The following PPP1R42 variants were observed in gnomAD, a reference collection of about 807,000 sequenced individuals.
The protein encoded by PPP1R42 is protein phosphatase 1 regulatory subunit 42.
PPP1R42 carries 34 observed loss-of-function variants against 31.0 expected under a neutral mutation model. The observed-to-expected ratio is 1.10, with a 90% CI of 0.83 to 1.46. The LOEUF is 1.46. Ranked by LOEUF, PPP1R42 falls within the 40% of genes most tolerant of loss-of-function variation. The pLI is 0.00. For synonymous variants in PPP1R42, 103 were observed against 109.8 expected (o/e 0.94, Z 0.39); for missense variants, 268 against 303.0 (o/e 0.88, Z 0.86).
At chr8:66,996,667 CT>C in intron 5 of PPP1R42, among the ~76,000 whole-genome samples, 1 of 152,126 alleles carries the variant, frequency 6.6e-6, no homozygotes, top group East Asian at 1.9e-4. Context: ...ATGGGTCGTG[CT>C]TTTTGCGTTC....
At chr8:67,017,922 G>T in intron 1 of PPP1R42, 91 bp from the exon 2 acceptor site, 1 of 555,666 alleles carries the variant, frequency 1.8e-6, no homozygotes, top group Non-Finnish European at 2.7e-6. Context: ...TCCCTTATAT[G>T]AAACTATTTG....
At chr8:67,018,120 CTTT>C (rs113945042) in intron 1 of PPP1R42, among the ~76,000 whole-genome samples, 2 of 144,072 alleles carry the variant, frequency 1.4e-5, no homozygotes, top group African/African-American at 2.5e-5. Context: ...TTTTTCTTTT[CTTT>C]TTTTTTTTTG....
At chr8:66,990,896 T>C (rs1282676679) in intron 5 of PPP1R42, among the ~76,000 whole-genome samples, 4 of 152,174 alleles carry the variant, frequency 2.6e-5, no homozygotes, top group Non-Finnish European at 5.9e-5. Context: ...TCAGGATCAA[T>C]ATTGAGCAGA....
At chr8:67,028,423 G>A in intron 1 of PPP1R42, 68 bp downstream of exon 1, 1 of 906,568 alleles carries the variant, frequency 1.1e-6, no homozygotes, top group Non-Finnish European at 1.3e-6. Context: ...CTTACTGGCA[G>A]GCAAGTTTGA....
At chr8:66,974,476 C>T (rs945624471) in intron 7 of PPP1R42, among the ~76,000 whole-genome samples, 4 of 152,102 alleles carry the variant, frequency 2.6e-5, no homozygotes, top group African/African-American at 9.7e-5. Context: ...ATTGCTTGAA[C>T]CCAGGAGGCG....
chr8:66,974,252 G>A (rs545069603), intron 7 of PPP1R42, among the ~76,000 whole-genome samples: 1 of 152,170 alleles, frequency 6.6e-6, no homozygotes, highest in East Asian at 1.9e-4. Flanking sequence ...AACACGTGTT[G>A]CCTTTTTTAA....
chr8:67,000,565 C>T (rs1397814908), intron 5 of PPP1R42, among the ~76,000 whole-genome samples: 2 of 152,016 alleles, frequency 1.3e-5, no homozygotes, highest in Admixed American at 6.6e-5. Context: ...TCAAACGATC[C>T]TCCCAACTCA....
chr8:67,005,799 C>T (rs1224091985), intron 5 of PPP1R42, among the ~76,000 whole-genome samples: 1 of 151,984 alleles, frequency 6.6e-6, no homozygotes. Context: ...TATCTCTTTG[C>T]TGTAATTCTT....
At chr8:67,025,294 TAC>T (rs1816358587) in intron 1 of PPP1R42, among the ~76,000 whole-genome samples, 1 of 151,816 alleles carries the variant, frequency 6.6e-6, no homozygotes, top group Non-Finnish European at 1.5e-5. Flanking sequence ...TTTCTTTTTT[TAC>T]AGACAGGGTC....
At chr8:66,996,272 G>A (rs937270779) in intron 5 of PPP1R42, among the ~76,000 whole-genome samples, 3 of 152,238 alleles carry the variant, frequency 2.0e-5, no homozygotes, top group Non-Finnish European at 4.4e-5. Flanking sequence ...GGCTGGTCTC[G>A]AACTCGTGAG....
intron 5 of PPP1R42, among the ~76,000 whole-genome samples, chr8:66,990,008 G>A (rs1425279764): frequency 1.3e-5 from 2 of 152,178 alleles, no homozygotes; most frequent in African/African-American, 4.8e-5. Flanking sequence ...TAAGGAAGAA[G>A]AAACTTCTTG....
At chr8:66,968,451 CA>C in intron 7 of PPP1R42, 2 of 984,522 alleles carry the variant, frequency 2.0e-6, no homozygotes, top group East Asian at 1.1e-4. Context: ...TACCTCTGAG[CA>C]GGCTCCCCAC....
chr8:67,015,708 G>A (rs560062623), intron 2 of PPP1R42, among the ~76,000 whole-genome samples: 9 of 151,238 alleles, frequency 6.0e-5, no homozygotes, highest in African/African-American at 1.9e-4. Context: ...ATAGGCATGC[G>A]CCACCATGCC....
At chr8:66,994,683 T>C (rs1815286729) in intron 5 of PPP1R42, among the ~76,000 whole-genome samples, 2 of 152,208 alleles carry the variant, frequency 1.3e-5, no homozygotes, top group South Asian at 4.1e-4. Flanking sequence ...AAAATCTATC[T>C]GCAATATTGA....
intron 6 of PPP1R42, chr8:66,984,873 C>T (rs1305175578): frequency 6.3e-7 from 1 of 1,580,740 alleles, no homozygotes; most frequent in African/African-American, 1.3e-5. Context: ...CCCTCCTTGT[C>T]TGTCTCTGAA....
At chr8:67,012,662 C>T (rs544658591) in intron 4 of PPP1R42, among the ~76,000 whole-genome samples, 35 of 152,186 alleles carry the variant, frequency 2.3e-4, no homozygotes, top group Non-Finnish European at 3.7e-4. Context: ...CACCAAGGTC[C>T]ACATTATGAA....
rs1309215144 is a variant in PPP1R42, at chr8:66,996,456, T to A, written c.553-7939A>T. Among the ~76,000 whole-genome samples, 4 of 152,222 alleles carry A rather than the reference T, an allele frequency of 2.6e-5. No individual in the cohort carries two copies. In the East Asian group the frequency reaches 7.7e-4, roughly 29 times the overall value. ...CTTTTCCCTAGAGTTAAAAATTGCC[T>A]AATTTCTTAGTTTTCTATGTACTTA... On this transcript the variant is annotated intron_variant, in intron 5 of 7. Coordinates refer to ENST00000685739, the MANE Select transcript of PPP1R42 (RefSeq NM_001364910.1).
chr8:67,017,587 T>C (rs750263957), intron 2 of PPP1R42, 32 bp downstream of exon 2: 3 of 1,213,382 alleles, frequency 2.5e-6, no homozygotes, highest in South Asian at 1.8e-5. Flanking sequence ...TTATTAATTA[T>C]ATAAAATAGG....
chr8:66,965,773 A>G (rs2130906934), intron 7 of PPP1R42, among the ~76,000 whole-genome samples: 1 of 152,250 alleles, frequency 6.6e-6, no homozygotes, highest in Non-Finnish European at 1.5e-5. Flanking sequence ...AATTTAAAAA[A>G]TTAGATGGGC....
Sources: allele counts gnomAD v4.1 joint callset (sites outside exome capture counted in the v4.1 genomes callset), GRCh38; gene constraint gnomAD v4.1.1; transcripts MANE v1.5; gene names NCBI Gene and HGNC (gene_info 2026-07-23, HGNC 2026-07-21).